The following BBS4 variants were observed in gnomAD, a reference collection of about 807,000 sequenced individuals.
BBS4 encodes Bardet-Biedl syndrome 4, also known as BBSome complex member BBS4.
BBS4 carries 58 observed loss-of-function variants against 71.4 expected under a neutral mutation model. That is an observed-to-expected ratio of 0.81 (90% CI 0.66 to 1.01). The LOEUF (loss-of-function observed/expected upper bound fraction) is 1.01, where lower values mean the gene tolerates loss of function less well. BBS4 is among the 50% of genes least tolerant of loss of function. The pLI is 0.00. For synonymous variants in BBS4, 228 were observed against 216.8 expected (o/e 1.05, Z -0.46); for missense variants, 660 against 607.9 (o/e 1.09, Z -0.90).
At chr15:72,688,487 C>G (rs1261125681) in intron 1 of BBS4, among the ~76,000 whole-genome samples, 3 of 130,866 alleles carry the variant, frequency 2.3e-5, no homozygotes, top group African/African-American at 8.6e-5. Flanking sequence ...GATCTCAGCT[C>G]AGTGGAACCT....
At position 72,736,815 on chromosome 15, in the gene BBS4, G is replaced by C. The variant is rs767563423; in HGVS notation, c.1302G>C (p.Leu434=). The change falls in exon 15 of 16, where the codon CTG becomes CTC. Residue 434 remains leucine, a synonymous_variant. Coordinates refer to ENST00000268057, the MANE Select transcript of BBS4 (RefSeq NM_033028.5). ...LGAALQVGEA[L]VWTKPVKDPK... is the part of the protein sequence containing the mutation. The stretch of plus-strand genomic sequence containing the variant: ...CTGCTCTCCAGGTTGGGGAGGCACT[G>C]GTCTGGACCAAACCAGTTAAAGATC... 1.2e-6 allele frequency: 2 copies of C among 1,614,194 alleles called. No homozygotes were observed. The highest frequency in any genetic ancestry group is 1.7e-5 in the Admixed American group (1 of 60,024).
rs755094601 is a variant in BBS4 at position 72,737,338 on chromosome 15, T to C, written c.1451-140T>C. The C allele has an allele frequency of 1.8e-5, 13 of 725,480 alleles. 1 individual carries two copies. In the Admixed American group the frequency reaches 2.7e-4, roughly 15 times the overall value. The allele number at this position is 725,480 out of a possible 1,614,324, so 44.9% of individuals were successfully genotyped here. A position where few individuals can be genotyped will look rare whatever the true frequency, so the allele number is the denominator to read the frequency against. On this transcript the variant is annotated intron_variant, in intron 15 of 15. Transcript: ENST00000268057. ...TGACTGTTGCTTTATTTCTCAGTTA[T>C]AGTCTTCCCTTATAGTTAATGGGTC...
intron 4 of BBS4, among the ~76,000 whole-genome samples, chr15:72,713,478 T>G (rs796481036): frequency 6.6e-6 from 1 of 152,168 alleles, no homozygotes; most frequent in South Asian, 2.1e-4. Flanking sequence ...CCTATAACAA[T>G]AGGAATACCT....
chr15:72,687,139 CGG>C (rs2064868502), intron 1 of BBS4, among the ~76,000 whole-genome samples: 1 of 1,394 alleles, frequency 7.2e-4, no homozygotes, highest in Admixed American at 0.014. Flanking sequence ...TTTTTTGAGA[CGG>C]AGTGTCGCTG....
Position 72,736,821 on chromosome 15 carries a change from G to A in BBS4, c.1308G>A (p.Trp436Ter). ...TCCAGGTTGGGGAGGCACTGGTCTGGACCAAACCAGTTAAAGATCCCAAAT... is the reference window on the plus strand; with the variant it reads ...TCCAGGTTGGGGAGGCACTGGTCTGAACCAAACCAGTTAAAGATCCCAAAT... ...AALQVGEALV[W>*]TKPVKDPKSK... Residue 436 changes from tryptophan to a stop codon, truncating the protein, a stop_gained, in exon 15 of 16, where the codon TGG becomes TGA. Transcript: ENST00000268057. LOFTEE classifies it high-confidence loss of function. 1 of 1,614,144 alleles carries A rather than the reference G, an allele frequency of 6.2e-7. No homozygotes were observed. Among genetic ancestry groups the A allele is most frequent in the Non-Finnish European group, 8.5e-7 (1 of 1,180,026 alleles).
chr15:72,698,173 A>G (rs2065110126), intron 2 of BBS4: 1 of 322,122 alleles, frequency 3.1e-6, no homozygotes, highest in Admixed American at 3.3e-5. Context: ...TCACTATGTA[A>G]AAAACCTGAT....
intron 12 of BBS4, among the ~76,000 whole-genome samples, chr15:72,734,503 G>T (rs138635761): frequency 6.6e-6 from 1 of 152,156 alleles, no homozygotes; most frequent in Non-Finnish European, 1.5e-5. Flanking sequence ...GAGGTCATGC[G>T]TACAGTGCAA....
chr15:72,688,411 C>CTTTTTTTTTTTTTTTCTTTTTT (rs2064916136), intron 1 of BBS4, among the ~76,000 whole-genome samples: 1 of 83,052 alleles, frequency 1.2e-5, no homozygotes, highest in Non-Finnish European at 2.1e-5. Context: ...GGTATTTTAT[C>CTTTTTTTTTTTTTTTCTTTTTT]TTTTTTTTTT....
At chr15:72,716,936 T>C in intron 6 of BBS4, 86 bp downstream of exon 6, 1 of 969,106 alleles carries the variant, frequency 1.0e-6, no homozygotes, top group Non-Finnish European at 1.6e-6. Flanking sequence ...TCTGAATTCT[T>C]ACATTCCAAA....
At chr15:72,711,582 A>G (rs903517246) in intron 3 of BBS4, among the ~76,000 whole-genome samples, 2 of 152,202 alleles carry the variant, frequency 1.3e-5, no homozygotes, top group Admixed American at 6.5e-5. Flanking sequence ...ATGGGCCAAC[A>G]ATATTTTAGG....
chr15:72,699,373 C>T (rs996225209), intron 2 of BBS4, among the ~76,000 whole-genome samples: 5 of 152,078 alleles, frequency 3.3e-5, no homozygotes, highest in South Asian at 2.1e-4. Context: ...TGTGAGCCAC[C>T]GTGCTTGGCC....
chr15:72,729,614 A>T lies in BBS4; in HGVS notation c.643-2A>T. 6.2e-7 allele frequency: 1 copy of T among 1,613,818 alleles called. No homozygotes were observed. Among genetic ancestry groups the T allele is most frequent in the Non-Finnish European group, 8.5e-7 (1 of 1,179,898 alleles). Reference sequence around the variant, plus strand: ...AATTGTCTTGTTTGCTTTTTTTCCAAGCTCGGCATTTACCAGAAGGCATTT... The same window carrying T: ...AATTGTCTTGTTTGCTTTTTTTCCATGCTCGGCATTTACCAGAAGGCATTT... On this transcript the variant is annotated splice_acceptor_variant, in intron 9 of 15. Transcript: ENST00000268057. LOFTEE classifies it high-confidence loss of function.
intron 11 of BBS4, 46 bp downstream of exon 11, chr15:72,731,503 A>G (rs1488710108): frequency 1.2e-6 from 2 of 1,613,980 alleles, no homozygotes; most frequent in African/African-American, 2.7e-5. Context: ...ACATGTGGTT[A>G]TTGGGTCTGT....
At chr15:72,727,116 G>A (rs1440935566) in intron 8 of BBS4, among the ~76,000 whole-genome samples, 1 of 152,198 alleles carries the variant, frequency 6.6e-6, no homozygotes, top group Non-Finnish European at 1.5e-5. Context: ...AGAAAGCTCT[G>A]TTTGGTCAGC....
intron 15 of BBS4, chr15:72,737,186 T>C (rs1324919116): frequency 1.6e-6 from 1 of 629,692 alleles, no homozygotes; most frequent in Middle Eastern, 4.3e-4. Flanking sequence ...TTGGATGGTC[T>C]ATACACTGGT....
chr15:72,721,172 T>A (rs1009781247), intron 6 of BBS4, among the ~76,000 whole-genome samples: 5 of 152,222 alleles, frequency 3.3e-5, no homozygotes, highest in South Asian at 2.1e-4. Context: ...ATAAAAAAAA[T>A]TTTTAAATGT....
intron 6 of BBS4, among the ~76,000 whole-genome samples, chr15:72,721,355 A>G (rs2065572716): frequency 6.6e-6 from 1 of 152,214 alleles, no homozygotes; most frequent in African/African-American, 2.4e-5. Context: ...TTTGCTTACA[A>G]AAGTTGTGGG....
chr15:72,718,085 G>A (rs2065499768), intron 6 of BBS4, among the ~76,000 whole-genome samples: 1 of 152,170 alleles, frequency 6.6e-6, no homozygotes, highest in South Asian at 2.1e-4. Flanking sequence ...CTGACCTCAG[G>A]TGATTCACCT....
chr15:72,714,105 C>T (rs887927432), intron 4 of BBS4, among the ~76,000 whole-genome samples: 1 of 151,560 alleles, frequency 6.6e-6, no homozygotes, highest in African/African-American at 2.4e-5. Flanking sequence ...TGAAGAAGAG[C>T]TTGAGGATTT....
Sources: allele counts gnomAD v4.1 joint callset (sites outside exome capture counted in the v4.1 genomes callset), GRCh38; gene constraint gnomAD v4.1.1; transcripts MANE v1.5; gene names NCBI Gene and HGNC (gene_info 2026-07-23, HGNC 2026-07-21).